SYT1: variants seen among roughly 807,000 people sequenced by gnomAD.
SYT1 encodes synaptotagmin 1.
A neutral mutation model predicts 44.8 loss-of-function variants in SYT1; 8 were observed. The ratio of observed to expected loss-of-function variants is 0.18; its 90% confidence interval spans 0.10 to 0.32. SYT1 has a LOEUF of 0.32. Ranked by LOEUF, SYT1 falls within the 10% of genes least tolerant of loss-of-function variation. The pLI, the probability that SYT1 is intolerant of heterozygous loss-of-function variation, is 1.00. For synonymous variants in SYT1, 154 were observed against 188.8 expected (o/e 0.82, Z 1.51); for missense variants, 286 against 509.3 (o/e 0.56, Z 4.22).
chr12:78,971,330 G>T (rs61928065), intron 1 of SYT1, among the ~76,000 whole-genome samples: 7,160 of 152,114 alleles, frequency 0.047, 215 homozygotes, highest in Admixed American at 0.084. Flanking sequence ...AAAGATAAAA[G>T]AAATACATTC....
At chr12:79,332,708 C>A (rs1169312515) in intron 8 of SYT1, among the ~76,000 whole-genome samples, 1 of 152,100 alleles carries the variant, frequency 6.6e-6, no homozygotes, top group Non-Finnish European at 1.5e-5. Context: ...TTCTTTTTAA[C>A]CTGCTTTGTG....
intron 3 of SYT1, among the ~76,000 whole-genome samples, chr12:79,122,286 G>A (rs1467827354): frequency 1.3e-5 from 2 of 151,522 alleles, no homozygotes; most frequent in Non-Finnish European, 1.5e-5. Flanking sequence ...AGGCCGAGGC[G>A]GGCGGATCAC....
chr12:79,216,596 C>T (rs1874821282), intron 3 of SYT1, among the ~76,000 whole-genome samples: 1 of 152,124 alleles, frequency 6.6e-6, no homozygotes, highest in African/African-American at 2.4e-5. Context: ...GTCAAATGCC[C>T]TGTTAAAGTT....
At chr12:79,121,663 C>T (rs556726467) in intron 3 of SYT1, among the ~76,000 whole-genome samples, 11 of 152,186 alleles carry the variant, frequency 7.2e-5, no homozygotes, top group Non-Finnish European at 1.6e-4. Context: ...AGCTAACGAG[C>T]AATGAGTCGG....
chr12:79,421,881 T>A (rs573145035), intron 9 of SYT1, among the ~76,000 whole-genome samples: 2 of 152,078 alleles, frequency 1.3e-5, no homozygotes, highest in Non-Finnish European at 2.9e-5. Context: ...AATCTATAAA[T>A]GTGGTTATTC....
chr12:79,145,736 G>GTTTTTT (rs1565825739), intron 3 of SYT1, among the ~76,000 whole-genome samples: 43 of 145,820 alleles, frequency 2.9e-4, no homozygotes, highest in African/African-American at 1.1e-3. Flanking sequence ...TAAACATAGT[G>GTTTTTT]GTTTTTTTTT....
chr12:79,374,551 A>G (rs1593011727), intron 9 of SYT1, among the ~76,000 whole-genome samples: 1 of 152,348 alleles, frequency 6.6e-6, no homozygotes, highest in South Asian at 2.1e-4. Flanking sequence ...GGTTTTAAAA[A>G]GAAAAACAGA....
intron 3 of SYT1, among the ~76,000 whole-genome samples, chr12:79,092,511 A>G (rs1877847698): frequency 6.6e-6 from 1 of 151,796 alleles, no homozygotes; most frequent in Admixed American, 6.6e-5. Context: ...TGAAAGAAAA[A>G]AAAAATTAAT....
chr12:79,193,200 G>A (rs1873234364), intron 3 of SYT1, among the ~76,000 whole-genome samples: 1 of 152,112 alleles, frequency 6.6e-6, no homozygotes, highest in Admixed American at 6.6e-5. Context: ...CTCTCAAGGA[G>A]TTTACAGTAT....
chr12:79,405,776 TCAGCTCCTC>T (rs1885223419), intron 9 of SYT1, among the ~76,000 whole-genome samples: 1 of 152,150 alleles, frequency 6.6e-6, no homozygotes, highest in African/African-American at 2.4e-5. Context: ...TTCCTTCTTT[TCAGCTCCTC>T]TATCCTTAGT....
chr12:79,108,645 A>T (rs568757721), intron 3 of SYT1, among the ~76,000 whole-genome samples: 2 of 152,290 alleles, frequency 1.3e-5, no homozygotes, highest in African/African-American at 4.8e-5. Flanking sequence ...TGTGGATTTT[A>T]AAAAATTCTA....
At chr12:79,167,099 T>G (rs1234773278) in intron 3 of SYT1, among the ~76,000 whole-genome samples, 3 of 151,972 alleles carry the variant, frequency 2.0e-5, no homozygotes, top group Non-Finnish European at 4.4e-5. Context: ...ATAAATACAA[T>G]TGTTTAAGTG....
In SYT1 at chr12:78,922,147, CTG is replaced by C. The variant is rs1459944489; in HGVS notation, c.-216-55651_-216-55650del. The stretch of plus-strand genomic sequence containing the variant: ...CAAATAAAATAAGGTTTTATGAACT[CTG>C]AGATTCTTTGAACAGTTTGAAGAAC... On this transcript the variant is annotated intron_variant, in intron 1 of 10. Transcript: ENST00000261205. Among the ~76,000 whole-genome samples the C allele has an allele frequency of 2.0e-5, 3 of 151,924 alleles. No homozygotes were observed. The East Asian group carries it at 5.8e-4, about 29-fold the overall frequency.
At chr12:79,050,286 A>G (rs1488566422) in intron 3 of SYT1, among the ~76,000 whole-genome samples, 3 of 152,072 alleles carry the variant, frequency 2.0e-5, no homozygotes, top group Non-Finnish European at 4.4e-5. Flanking sequence ...CTCCATCCTC[A>G]TCTTCACATT....
At chr12:78,973,927 AAAAAAAAAAAAATATATAT>A (rs1868574616) in intron 1 of SYT1, among the ~76,000 whole-genome samples, 1 of 36,304 alleles carries the variant, frequency 2.8e-5, no homozygotes, top group African/African-American at 1.2e-4. Context: ...AAAAAAAAAA[AAAAAAAAAAAAATATATAT>A]ATATATATAT....
rs1282447286 is a variant in SYT1 at position 79,073,646 on chromosome 12, CAG to C, written c.-18+26289_-18+26290del. ...GAAGAATGGTAGGTCTCTCCAGAAA[CAG>C]AGAGTCCAGTGAACTGGAGTAGAGG... On this transcript the variant is annotated intron_variant, in intron 3 of 10. Transcript: ENST00000261205. Among the ~76,000 whole-genome samples, 9 of 152,238 alleles carry C rather than the reference CAG, an allele frequency of 5.9e-5. No homozygotes were observed. The East Asian group carries it at 7.7e-4, about 13-fold the overall frequency.
intron 1 of SYT1, among the ~76,000 whole-genome samples, chr12:78,934,971 G>A (rs1056271867): frequency 1.3e-5 from 2 of 152,176 alleles, no homozygotes; most frequent in African/African-American, 4.8e-5. Context: ...CCCAGATCTC[G>A]TCTCGTGCTC....
chr12:79,216,151 G>A (rs1565859537), intron 3 of SYT1, among the ~76,000 whole-genome samples: 5 of 151,660 alleles, frequency 3.3e-5, no homozygotes, highest in Admixed American at 2.0e-4. Context: ...GGCTGGTCTC[G>A]AACTCCTGAC....
intron 1 of SYT1, among the ~76,000 whole-genome samples, chr12:78,922,181 T>G (rs1289846757): frequency 2.0e-5 from 3 of 151,986 alleles, no homozygotes; most frequent in Admixed American, 6.6e-5. Flanking sequence ...GAACTTGAAC[T>G]GGAATATCTC....
Sources: allele counts gnomAD v4.1 joint callset (sites outside exome capture counted in the v4.1 genomes callset), GRCh38; gene constraint gnomAD v4.1.1; transcripts MANE v1.5; gene names NCBI Gene and HGNC (gene_info 2026-07-23, HGNC 2026-07-21).